ABLIM3: variants seen among roughly 807,000 people sequenced by gnomAD.
ABLIM3 encodes actin binding LIM protein family member 3, also known as actin-binding LIM protein 3.
Under a neutral mutation model 109.5 loss-of-function variants are expected in ABLIM3, and 61 were observed. That is an observed-to-expected ratio of 0.56 (90% confidence interval 0.45 to 0.69). The LOEUF (loss-of-function observed/expected upper bound fraction) is 0.69, where lower values mean the gene tolerates loss of function less well. Ranked by LOEUF, ABLIM3 falls within the 30% of genes least tolerant of loss-of-function variation. The pLI is 0.00. For synonymous variants in ABLIM3, 300 were observed against 324.8 expected (o/e 0.92, Z 0.82); for missense variants, 796 against 889.5 (o/e 0.89, Z 1.34).
chr5:149,189,132 T>C (rs919434802), intron 3 of ABLIM3, among the ~76,000 whole-genome samples: 6 of 152,204 alleles, frequency 3.9e-5, no homozygotes, highest in African/African-American at 1.4e-4. Context: ...CAAAAAAAGG[T>C]GTTTGGAAAA....
chr5:149,216,726 G>A, intron 7 of ABLIM3: 1 of 513,882 alleles, frequency 1.9e-6, no homozygotes, highest in Non-Finnish European at 3.5e-6. Flanking sequence ...GAATAGAAGA[G>A]CAGGTATTCA....
intron 5 of ABLIM3, 140 bp from the exon 6 acceptor site, chr5:149,206,868 T>G: frequency 1.8e-6 from 2 of 1,093,660 alleles, no homozygotes; most frequent in African/African-American, 2.4e-5. Context: ...TGGGAGAGCC[T>G]CTGGGAAGCT....
intron 2 of ABLIM3, among the ~76,000 whole-genome samples, chr5:149,179,050 T>C (rs920084368): frequency 3.9e-5 from 6 of 152,190 alleles, no homozygotes; most frequent in African/African-American, 1.4e-4. Context: ...TGAATTTGTT[T>C]ACTGTTGTGT....
chr5:149,242,872 A>G (rs956492378), intron 15 of ABLIM3, among the ~76,000 whole-genome samples: 32 of 152,316 alleles, frequency 2.1e-4, no homozygotes, highest in African/African-American at 7.7e-4. Flanking sequence ...TTAATACTTG[A>G]AATGTTCATT....
chr5:149,240,464 C>CA (rs1341442754), intron 13 of ABLIM3: 14 of 585,406 alleles, frequency 2.4e-5, no homozygotes, highest in Non-Finnish European at 4.0e-5. Flanking sequence ...ACTTTGGGAT[C>CA]AAGCCAGGAA....
chr5:149,206,944 C>T, intron 5 of ABLIM3, 64 bp from the exon 6 acceptor site: 1 of 1,568,442 alleles, frequency 6.4e-7, no homozygotes, highest in Non-Finnish European at 8.7e-7. Context: ...TTGACGTGGG[C>T]CTGAGATAGC....
At chr5:149,175,249 T>G (rs774675698) in intron 2 of ABLIM3, among the ~76,000 whole-genome samples, 23 of 152,204 alleles carry the variant, frequency 1.5e-4, no homozygotes, top group Non-Finnish European at 2.6e-4. Context: ...TAACTGGGAT[T>G]TCCTTTACCC....
chr5:149,238,000 G>A lies in ABLIM3; in HGVS notation c.1044+397G>A, dbSNP rs908464625. ...ATTTTTCATGTACTCAGCCCAAGGC[G>A]CTCATCTCCTGCCAGGCTCAGTGGC... is the stretch of plus-strand genomic sequence containing the variant. On this transcript the variant is annotated intron_variant, in intron 11 of 23. Transcript: ENST00000309868. Among the ~76,000 whole-genome samples, 8 of 152,222 alleles carry A rather than the reference G, an allele frequency of 5.3e-5. No individual in the cohort carries two copies. The East Asian group carries it at 5.8e-4, about 11-fold the overall frequency.
chr5:149,249,396 G>A (rs569279529), intron 18 of ABLIM3, among the ~76,000 whole-genome samples: 32 of 152,330 alleles, frequency 2.1e-4, no homozygotes, highest in African/African-American at 6.5e-4. Flanking sequence ...AAACCAAAGC[G>A]TGATTAATTA....
chr5:149,251,567 TC>T, intron 21 of ABLIM3, 148 bp downstream of exon 21: 1 of 877,116 alleles, frequency 1.1e-6, no homozygotes, highest in Non-Finnish European at 1.8e-6. Context: ...CTCTTTCACT[TC>T]CCACCCCCTC....
chr5:149,244,923 T>A lies in ABLIM3; in HGVS notation c.1394T>A (p.Ile465Asn). The A allele has an allele frequency of 6.2e-7, 1 of 1,614,144 alleles. No individual in the cohort carries two copies. Among genetic ancestry groups the A allele is most frequent in the East Asian group, 2.2e-5 (1 of 44,868 alleles). The change falls in exon 16 of 24, where the codon ATC becomes AAC. Residue 465 changes from isoleucine (I) to asparagine (N), a missense_variant. Transcript: ENST00000309868. ...ACCAAGAGCAAAACAAGTGAAGACATCAGCCAGACCTCCAAGTACAGTCCC... is the reference window on the plus strand; with the variant it reads ...ACCAAGAGCAAAACAAGTGAAGACAACAGCCAGACCTCCAAGTACAGTCCC... ...TATKSKTSEDISQTSKYSPIY... is the reference protein window; with the variant it reads ...TATKSKTSEDNSQTSKYSPIY...
Position 149,210,741 on chromosome 5 carries a change from C to T in ABLIM3, c.591C>T (p.Tyr197=). 1.9e-6 allele frequency: 3 copies of T among 1,614,074 alleles called. No individual in the cohort carries two copies. Among genetic ancestry groups the T allele is most frequent in the Non-Finnish European group, 2.5e-6 (3 of 1,179,952 alleles). ...CTTCTTGCAGGGATGGTGTTCCATA[C>T]TGTGAGTCCGACTACCATGCCCAGT... ...GEYISKDGVP[Y]CESDYHAQFG... The change falls in exon 7 of 24, where the codon TAC becomes TAT. Residue 197 remains tyrosine, a synonymous_variant. Transcript: ENST00000309868.
At chr5:149,196,684 C>T (rs953435597) in intron 3 of ABLIM3, among the ~76,000 whole-genome samples, 4 of 152,200 alleles carry the variant, frequency 2.6e-5, no homozygotes, top group Non-Finnish European at 4.4e-5. Flanking sequence ...GCCCCTTCCT[C>T]GCTGGTGCAT....
intron 2 of ABLIM3, among the ~76,000 whole-genome samples, chr5:149,161,353 C>T (rs574134715): frequency 7.7e-4 from 117 of 152,308 alleles, no homozygotes; most frequent in African/African-American, 2.8e-3. Flanking sequence ...GAGAAGTCCA[C>T]CCTTCCCTCC....
intron 2 of ABLIM3, among the ~76,000 whole-genome samples, chr5:149,147,136 T>C (rs1753009713): frequency 2.0e-5 from 3 of 151,862 alleles, no homozygotes; most frequent in South Asian, 2.1e-4. Flanking sequence ...TGTGTGTGTG[T>C]GCATGTCTCT....
intron 2 of ABLIM3, among the ~76,000 whole-genome samples, chr5:149,164,846 A>G (rs1754683097): frequency 6.6e-6 from 1 of 152,150 alleles, no homozygotes; most frequent in South Asian, 2.1e-4. Context: ...TGTAATTGCC[A>G]TCTGTATGTT....
intron 18 of ABLIM3, among the ~76,000 whole-genome samples, chr5:149,249,482 G>A (rs1753727588): frequency 6.6e-6 from 1 of 152,198 alleles, no homozygotes; most frequent in Non-Finnish European, 1.5e-5. Flanking sequence ...CCTGACCACT[G>A]AGGGCCACTG....
intron 12 of ABLIM3, among the ~76,000 whole-genome samples, chr5:149,239,492 C>T (rs544434470): frequency 1.3e-5 from 2 of 152,290 alleles, no homozygotes; most frequent in Non-Finnish European, 2.9e-5. Context: ...TGGCCTCCCT[C>T]AGGCTTCTGG....
chr5:149,247,906 G>C lies in ABLIM3; in HGVS notation c.1676G>C (p.Gly559Ala), dbSNP rs1352049167. 2 of 1,614,152 alleles carry C rather than the reference G, an allele frequency of 1.2e-6. No homozygotes were observed. Among genetic ancestry groups the C allele is most frequent in the Non-Finnish European group, 1.7e-6 (2 of 1,180,014 alleles). ...TSSREALHTA[G>A]YEMSLNGSPR... ...AGCCGGGAAGCCCTGCACACAGCTG[G>C]CTATGAGATGTCCCTCAATGGCTGT... The change falls in exon 18 of 24, where the codon GGC becomes GCC. Residue 559 changes from glycine to alanine, a missense_variant. Transcript: ENST00000309868.
Sources: gnomAD v4.1 joint callset for allele counts (sites outside exome capture counted in the v4.1 genomes callset) on GRCh38, gnomAD v4.1.1 for gene constraint, MANE v1.5 for transcripts, NCBI Gene and HGNC (gene_info 2026-07-23, HGNC 2026-07-21) for gene names.